Variants in ZC3H12B observed in about 807,000 individuals in gnomAD.
The protein encoded by ZC3H12B is probable ribonuclease ZC3H12B.
ZC3H12B carries 7 observed loss-of-function variants against 43.9 expected under a neutral mutation model. That is an observed-to-expected ratio of 0.16 (90% CI 0.09 to 0.30). The LOEUF is 0.30. Among genes scored for constraint, ZC3H12B ranks in the 10% least tolerant of loss-of-function variants. ZC3H12B has a pLI of 1.00. For synonymous variants in ZC3H12B, 222 were observed against 241.7 expected (o/e 0.92, Z 0.76); for missense variants, 475 against 670.2 (o/e 0.71, Z 3.22).
At chrX:65,375,893 C>T (rs1387156894) in intron 2 of ZC3H12B, among the ~76,000 whole-genome samples, 1 of 111,692 alleles carries the variant, frequency 9.0e-6, no homozygotes, top group Non-Finnish European at 1.9e-5. Flanking sequence ...TGAGAGACTC[C>T]TCCTACTTGA....
intron 3 of ZC3H12B, among the ~76,000 whole-genome samples, chrX:65,422,534 T>G (rs1299688324): frequency 2.0e-5 from 2 of 100,851 alleles, no homozygotes; most frequent in African/African-American, 9.8e-5. Flanking sequence ...TTTTTTGATG[T>G]TTTATTTTTT....
At chrX:65,172,141 T>G in the ZC3H12B span, among the ~76,000 whole-genome samples, 1 of 112,400 alleles carries the variant, frequency 8.9e-6, no homozygotes, top group African/African-American at 3.2e-5. Flanking sequence ...GCTGTTCCTA[T>G]TTGGCCATCT....
chrX:65,098,320 A>G, the ZC3H12B span, among the ~76,000 whole-genome samples: 1 of 110,828 alleles, frequency 9.0e-6, no homozygotes, highest in Non-Finnish European at 1.9e-5. Flanking sequence ...AGAGATATTA[A>G]TAGGAACCAC....
At chrX:65,239,367 GT>G in the ZC3H12B span, among the ~76,000 whole-genome samples, 2 of 107,253 alleles carry the variant, frequency 1.9e-5, no homozygotes, top group Admixed American at 9.9e-5. Context: ...TTTAAAGTCT[GT>G]TTTTTCAGCA....
the ZC3H12B span, among the ~76,000 whole-genome samples, chrX:65,307,414 T>C: frequency 1.1e-4 from 12 of 111,674 alleles, no homozygotes; most frequent in African/African-American, 3.6e-4. Flanking sequence ...GGATATAAGA[T>C]AAAATATAAA....
chrX:65,211,715 T>G, the ZC3H12B span, among the ~76,000 whole-genome samples: 1 of 88,396 alleles, frequency 1.1e-5, no homozygotes, highest in Non-Finnish European at 2.1e-5. Flanking sequence ...TAATATATAT[T>G]ATATATTTTT....
At chrX:65,289,558 A>T in the ZC3H12B span, among the ~76,000 whole-genome samples, 3 of 109,333 alleles carry the variant, frequency 2.7e-5, no homozygotes, top group African/African-American at 9.8e-5. Flanking sequence ...ATATAATTAT[A>T]AATATTTTAT....
the ZC3H12B span, among the ~76,000 whole-genome samples, chrX:65,253,540 C>T: frequency 8.9e-6 from 1 of 111,938 alleles, no homozygotes; most frequent in Non-Finnish European, 1.9e-5. Context: ...TTCCATGCTC[C>T]CCTAGGACAC....
the ZC3H12B span, among the ~76,000 whole-genome samples, chrX:65,223,465 A>T: frequency 5.3e-5 from 6 of 112,591 alleles, no homozygotes; most frequent in Non-Finnish European, 1.1e-4. Flanking sequence ...AAGACAGATA[A>T]ATAGATGGGA....
chrX:65,247,502 G>A, the ZC3H12B span, among the ~76,000 whole-genome samples: 2 of 112,678 alleles, frequency 1.8e-5, no homozygotes, highest in Non-Finnish European at 3.8e-5. Context: ...GCCTATCAAT[G>A]TGATACTGGA....
intron 3 of ZC3H12B, chrX:65,408,291 G>A (rs1000849196): frequency 8.5e-7 from 1 of 1,176,093 alleles, no homozygotes; most frequent in African/African-American, 1.8e-5. Context: ...ATGCCATATG[G>A]ATTAAACATT....
chrX:65,213,114 AT>A, the ZC3H12B span, among the ~76,000 whole-genome samples: 1 of 108,248 alleles, frequency 9.2e-6, no homozygotes, highest in Non-Finnish European at 1.9e-5. Context: ...ATCCTTGTAA[AT>A]TGTTTATTTT....
intron 3 of ZC3H12B, among the ~76,000 whole-genome samples, chrX:65,479,176 C>A (rs1307575545): frequency 9.0e-6 from 1 of 110,874 alleles, no homozygotes; most frequent in African/African-American, 3.3e-5. Context: ...TGAGTTTCCT[C>A]TGTTCACTTC....
chrX:65,278,240 G>C, the ZC3H12B span, among the ~76,000 whole-genome samples: 1 of 111,509 alleles, frequency 9.0e-6, no homozygotes, highest in Non-Finnish European at 1.9e-5. Flanking sequence ...TGTCCTCGTG[G>C]CTCATTATAT....
the ZC3H12B span, among the ~76,000 whole-genome samples, chrX:65,058,963 G>A: frequency 1.8e-5 from 2 of 112,050 alleles, no homozygotes; most frequent in East Asian, 2.8e-4. Flanking sequence ...GATTTTCCAG[G>A]TGCCGTCTGT....
chrX:65,165,664 A>G, the ZC3H12B span, among the ~76,000 whole-genome samples: 1 of 112,735 alleles, frequency 8.9e-6, no homozygotes, highest in East Asian at 2.8e-4. Context: ...CATGGGGTAT[A>G]TGTGCCAAAT....
At chrX:65,256,397 A>G in the ZC3H12B span, among the ~76,000 whole-genome samples, 24 of 112,182 alleles carry the variant, frequency 2.1e-4, no homozygotes, top group African/African-American at 7.8e-4. Context: ...AATCAAAGTC[A>G]TATAATTACA....
the ZC3H12B span, among the ~76,000 whole-genome samples, chrX:65,119,607 C>A: frequency 1.8e-5 from 2 of 111,217 alleles, no homozygotes; most frequent in African/African-American, 6.5e-5. Context: ...GCCTGCTCAC[C>A]CTGATGATAG....
intron 2 of ZC3H12B, among the ~76,000 whole-genome samples, chrX:65,397,336 C>A (rs2066712119): frequency 9.0e-6 from 1 of 111,482 alleles, no homozygotes; most frequent in Non-Finnish European, 1.9e-5. Flanking sequence ...TGGTTGGTAC[C>A]GATTTTTCTT....
Sources: gnomAD v4.1 joint callset for allele counts (sites outside exome capture counted in the v4.1 genomes callset) on GRCh38, gnomAD v4.1.1 for gene constraint, MANE v1.5 for transcripts, NCBI Gene and HGNC (gene_info 2026-07-23, HGNC 2026-07-21) for gene names.